The following WDR27 variants were observed in gnomAD, a reference collection of about 807,000 sequenced individuals.
The protein encoded by WDR27 is WD repeat-containing protein 27.
Under a neutral mutation model 114.4 loss-of-function variants are expected in WDR27, and 100 were observed. The ratio of observed to expected loss-of-function variants is 0.87; its 90% confidence interval spans 0.74 to 1.03. The LOEUF is 1.03. Ranked by LOEUF, WDR27 falls within the 50% of genes least tolerant of loss-of-function variation. The pLI, the probability that WDR27 is intolerant of heterozygous loss-of-function variation, is 0.00. For missense variants in WDR27, 1,129 were observed against 1,092.9 expected, an observed-to-expected ratio of 1.03 and a Z score of -0.47; for synonymous variants, 449 against 423.1, an observed-to-expected ratio of 1.06 and a Z score of -0.75.
intron 25 of WDR27, among the ~76,000 whole-genome samples, chr6:169,473,229 T>A (rs1276369123): frequency 1.3e-5 from 2 of 152,238 alleles, no homozygotes; most frequent in East Asian, 3.8e-4. Flanking sequence ...TCTGTCCATG[T>A]AAACAGAAGA....
intron 25 of WDR27, among the ~76,000 whole-genome samples, chr6:169,516,207 C>A (rs1793613086): frequency 6.6e-6 from 1 of 152,148 alleles, no homozygotes; most frequent in Non-Finnish European, 1.5e-5. Flanking sequence ...ACAGCTGAAT[C>A]CTGAATCTGC....
At chr6:169,436,050 T>C in the WDR27 span, among the ~76,000 whole-genome samples, 2 of 152,232 alleles carry the variant, frequency 1.3e-5, no homozygotes, top group Non-Finnish European at 2.9e-5. Flanking sequence ...GTATTTTTTA[T>C]GCTTTTTAAA....
chr6:169,586,726 G>A (rs546978715), intron 23 of WDR27, among the ~76,000 whole-genome samples: 2 of 151,874 alleles, frequency 1.3e-5, no homozygotes, highest in East Asian at 1.9e-4. Flanking sequence ...GCACGTGCCT[G>A]TAATCACAGC....
chr6:169,659,461 G>A lies in WDR27; in HGVS notation c.1187C>T (p.Ala396Val), dbSNP rs201925852. The A allele has an allele frequency of 1.9e-3, 3,029 of 1,608,446 alleles. 3 individuals carry two copies. Among genetic ancestry groups the A allele is most frequent in the Non-Finnish European group, 2.1e-3 (2,486 of 1,177,540 alleles). The part of the protein sequence containing the change: ...AGSCALRNRT[A>V]DQKVLCLLAS... ...CGTCTCAGGACTGACCTTTTGATCC[G>A]CAGTGCGGTTCCTCAGGGCACACGA... is the stretch of plus-strand genomic sequence containing the variant. Residue 396 changes from alanine to valine, a missense_variant, in exon 11 of 26, where the codon GCG becomes GTG. Ala to Val is a moderately conservative substitution (Grantham distance 64, BLOSUM62 0). Transcript: ENST00000448612. The surrounding 1 kb of genome is among the most constrained non-coding windows in gnomAD (Gnocchi z 4.3).
chr6:169,508,996 A>C (rs1050947970), intron 25 of WDR27, among the ~76,000 whole-genome samples: 1 of 152,028 alleles, frequency 6.6e-6, no homozygotes, highest in African/African-American at 2.4e-5. Context: ...TGAAGACAAA[A>C]TTTTCCAAAT....
chr6:169,433,811 T>A, the WDR27 span, among the ~76,000 whole-genome samples: 4 of 152,228 alleles, frequency 2.6e-5, no homozygotes, highest in African/African-American at 7.2e-5. Context: ...TATCTCATTG[T>A]GGTTTTGATT....
the WDR27 span, among the ~76,000 whole-genome samples, chr6:169,448,480 G>A: frequency 2.0e-5 from 3 of 151,918 alleles, no homozygotes; most frequent in African/African-American, 7.3e-5. Flanking sequence ...TAAAGAGAAG[G>A]AGTATGATGT....
At chr6:169,477,017 CT>C (rs1178096161) in intron 25 of WDR27, among the ~76,000 whole-genome samples, 1 of 152,166 alleles carries the variant, frequency 6.6e-6, no homozygotes, top group Non-Finnish European at 1.5e-5. Context: ...CAAGAATCTC[CT>C]TTTTATTCCT....
intron 9 of WDR27, among the ~76,000 whole-genome samples, chr6:169,661,767 ACAAG>A (rs1826183324): frequency 6.6e-6 from 1 of 152,196 alleles, no homozygotes; most frequent in Non-Finnish European, 1.5e-5. Context: ...AGAGACAAAG[ACAAG>A]CAACGGCCAA....
At chr6:169,499,199 GCCA>G (rs1790790999) in intron 25 of WDR27, among the ~76,000 whole-genome samples, 1 of 152,208 alleles carries the variant, frequency 6.6e-6, no homozygotes, top group African/African-American at 2.4e-5. Context: ...TTCAAATCCA[GCCA>G]AGCCTCCTTT....
At chr6:169,472,685 C>A (rs1257694299) in intron 25 of WDR27, among the ~76,000 whole-genome samples, 1 of 152,070 alleles carries the variant, frequency 6.6e-6, no homozygotes, top group African/African-American at 2.4e-5. Context: ...ACTCTTATTC[C>A]TATAAGTAAT....
the WDR27 span, among the ~76,000 whole-genome samples, chr6:169,430,446 G>A: frequency 1.3e-5 from 2 of 152,220 alleles, no homozygotes; most frequent in Admixed American, 1.3e-4. Context: ...TGAACAACAG[G>A]AAAGATGCAA....
At chr6:169,665,881 C>T (rs925475149) in intron 6 of WDR27, among the ~76,000 whole-genome samples, 11 of 152,174 alleles carry the variant, frequency 7.2e-5, no homozygotes, top group African/African-American at 2.2e-4. Context: ...GGCCCAGCTC[C>T]GGCTGCTTTA....
intron 2 of WDR27, among the ~76,000 whole-genome samples, chr6:169,679,883 T>A (rs1268345745): frequency 1.8e-4 from 27 of 152,182 alleles, no homozygotes; most frequent in Admixed American, 1.8e-3. Context: ...ATGATCAAAT[T>A]GTTCAAAATT....
intron 25 of WDR27, among the ~76,000 whole-genome samples, chr6:169,539,189 C>T (rs1166141806): frequency 6.6e-6 from 1 of 152,186 alleles, no homozygotes; most frequent in Non-Finnish European, 1.5e-5. Flanking sequence ...CCCTGGTCTT[C>T]TGACAGCCTC....
chr6:169,554,681 C>G (rs1225974301), intron 25 of WDR27, among the ~76,000 whole-genome samples: 1 of 152,176 alleles, frequency 6.6e-6, no homozygotes, highest in African/African-American at 2.4e-5. Context: ...AATGACTGCA[C>G]CACCACCCTC....
At chr6:169,486,061 T>TAC (rs1788837661) in intron 25 of WDR27, among the ~76,000 whole-genome samples, 1 of 152,048 alleles carries the variant, frequency 6.6e-6, no homozygotes, top group Non-Finnish European at 1.5e-5. Flanking sequence ...ACAGGCCTAG[T>TAC]ACCTGGATGA....
rs556993023 is a variant in WDR27, at chr6:169,624,474, G to A, written c.2223+8473C>T. Among the ~76,000 whole-genome samples, 11 of 152,248 alleles carry A rather than the reference G, an allele frequency of 7.2e-5. No homozygotes were observed. In the East Asian group the frequency reaches 1.5e-3, roughly 21 times the overall value. On this transcript the variant is annotated intron_variant, in intron 21 of 25. Transcript: ENST00000448612. ...GTGAATGAAACGCTCGTGTCCACTC[G>A]GAACTGCTTAGGGAGCCGGAGGGAG... is the stretch of plus-strand genomic sequence containing the variant.
At chr6:169,501,895 A>G (rs1160160096) in intron 25 of WDR27, among the ~76,000 whole-genome samples, 1 of 152,220 alleles carries the variant, frequency 6.6e-6, no homozygotes, top group East Asian at 1.9e-4. Flanking sequence ...CTACATGCTT[A>G]GGTCTGAATC....
Sources: gnomAD v4.1 joint callset for allele counts (sites outside exome capture counted in the v4.1 genomes callset) on GRCh38, gnomAD v4.1.1 for gene constraint, Gnocchi (gnomAD v3.1) non-coding constraint, MANE v1.5 for transcripts, NCBI Gene and HGNC (gene_info 2026-07-23, HGNC 2026-07-21) for gene names.